Variants in ELP4 observed in about 807,000 individuals in gnomAD.
ELP4 encodes elongator acetyltransferase complex subunit 4.
ELP4 carries 51 observed loss-of-function variants against 48.9 expected under a neutral mutation model. The ratio of observed to expected loss-of-function variants is 1.04; its 90% CI spans 0.83 to 1.32. ELP4 has a LOEUF of 1.32. Ranked by LOEUF, ELP4 falls within the 40% of genes most tolerant of loss-of-function variation. ELP4 has a pLI of 0.00. For synonymous variants in ELP4, 210 were observed against 189.2 expected (o/e 1.11, Z -0.90); for missense variants, 519 against 514.6 (o/e 1.01, Z -0.08).
At chr11:31,569,275 G>A (rs932446113) in intron 3 of ELP4, among the ~76,000 whole-genome samples, 2 of 152,100 alleles carry the variant, frequency 1.3e-5, no homozygotes, top group African/African-American at 4.8e-5. Context: ...AAGAGCTTCT[G>A]TACCACAAGA....
chr11:31,662,450 G>C (rs978399116), intron 9 of ELP4: 5 of 394,634 alleles, frequency 1.3e-5, no homozygotes, highest in Admixed American at 8.8e-5. Flanking sequence ...GCTCCATGTT[G>C]TTGTTGTTGT....
At chr11:31,560,567 C>G (rs1302414749) in intron 3 of ELP4, among the ~76,000 whole-genome samples, 1 of 151,418 alleles carries the variant, frequency 6.6e-6, no homozygotes, top group Non-Finnish European at 1.5e-5. Context: ...AAGGGCATTA[C>G]TACACATGGT....
In ELP4 at chr11:31,787,902, AT is replaced by A. The variant is rs1292620331; in HGVS notation, c.*4385del. 5 of 221,928 alleles carry A rather than the reference AT, an allele frequency of 2.3e-5. No individual in the cohort carries two copies. Among genetic ancestry groups the A allele is most frequent in the African/African-American group, 8.9e-5 (4 of 44,818 alleles). 13.7% of individuals were successfully genotyped at this position (221,928 alleles called of 1,614,324 possible). ...CATTTCTGATCATTTGCTTTTGGGG[AT>A]TTTTTTAAAGCAGAGTATAATTCAG... On this transcript the variant is annotated 3_prime_UTR_variant, in exon 10 of 10. Transcript: ENST00000640961.
At chr11:31,732,572 C>T (rs1472934025) in intron 9 of ELP4, among the ~76,000 whole-genome samples, 1 of 151,904 alleles carries the variant, frequency 6.6e-6, no homozygotes, top group Non-Finnish European at 1.5e-5. Context: ...TTCAAAATTA[C>T]TTTAAATGTA....
chr11:31,619,099 G>A (rs1944559549), intron 5 of ELP4, among the ~76,000 whole-genome samples: 1 of 151,884 alleles, frequency 6.6e-6, no homozygotes, highest in Admixed American at 6.6e-5. Context: ...AGTAGTAGCT[G>A]GTAAATGAGA....
intron 9 of ELP4, among the ~76,000 whole-genome samples, chr11:31,767,001 TG>T (rs1460893413): frequency 4.6e-5 from 7 of 152,176 alleles, no homozygotes; most frequent in Non-Finnish European, 1.0e-4. Flanking sequence ...AATCATTTGA[TG>T]AAAAAAATCA....
intron 6 of ELP4, among the ~76,000 whole-genome samples, chr11:31,630,436 C>A (rs982069424): frequency 6.6e-6 from 1 of 151,654 alleles, no homozygotes; most frequent in African/African-American, 2.4e-5. Context: ...TCAAGCAATT[C>A]TCCTGCCTCA....
intron 9 of ELP4, among the ~76,000 whole-genome samples, chr11:31,733,956 A>G (rs1022622561): frequency 6.6e-6 from 1 of 152,220 alleles, no homozygotes; most frequent in Admixed American, 6.5e-5. Context: ...AGATAGATGC[A>G]AAAATCTTCA....
intron 9 of ELP4, among the ~76,000 whole-genome samples, chr11:31,742,689 C>T (rs1947482512): frequency 6.6e-6 from 1 of 152,110 alleles, no homozygotes; most frequent in Admixed American, 6.5e-5. Flanking sequence ...ACTTTACAAA[C>T]AAACAAATGC....
At chr11:31,605,259 C>T (rs1957852445) in intron 5 of ELP4, among the ~76,000 whole-genome samples, 1 of 151,944 alleles carries the variant, frequency 6.6e-6, no homozygotes. Context: ...CAGTGAAAAT[C>T]AATATCTTCA....
intron 9 of ELP4, among the ~76,000 whole-genome samples, chr11:31,756,527 C>A (rs1256482184): frequency 7.2e-5 from 11 of 152,170 alleles, no homozygotes; most frequent in Non-Finnish European, 1.3e-4. Context: ...AGTACCTTCT[C>A]CTCAAAGCCT....
At chr11:31,531,157 A>G (rs1956389917) in intron 2 of ELP4, among the ~76,000 whole-genome samples, 2 of 152,170 alleles carry the variant, frequency 1.3e-5, no homozygotes, top group Non-Finnish European at 2.9e-5. Context: ...CCTGCCTCAT[A>G]TGATTCTTTG....
chr11:31,684,624 G>C (rs1946124748), intron 9 of ELP4, among the ~76,000 whole-genome samples: 2 of 152,148 alleles, frequency 1.3e-5, no homozygotes, highest in African/African-American at 4.8e-5. Context: ...TCCAGAAACA[G>C]ACCCATACGT....
At chr11:31,559,103 G>T (rs972221687) in intron 3 of ELP4, among the ~76,000 whole-genome samples, 2 of 152,098 alleles carry the variant, frequency 1.3e-5, no homozygotes, top group African/African-American at 4.8e-5. Context: ...AAGGAAAAAG[G>T]CAGCACACTG....
chr11:31,615,738 T>C (rs1362604284), intron 5 of ELP4, among the ~76,000 whole-genome samples: 2 of 151,970 alleles, frequency 1.3e-5, no homozygotes, highest in African/African-American at 2.4e-5. Context: ...TCAATGTGAG[T>C]TAAAAGATTT....
chr11:31,733,982 A>G (rs551690794), intron 9 of ELP4, among the ~76,000 whole-genome samples: 95 of 152,342 alleles, frequency 6.2e-4, no homozygotes, highest in African/African-American at 2.3e-3. Context: ...AAACCTAGCA[A>G]ATCAAATTCA....
At chr11:31,545,848 G>C (rs1413523540) in intron 3 of ELP4, among the ~76,000 whole-genome samples, 2 of 152,076 alleles carry the variant, frequency 1.3e-5, no homozygotes, top group Non-Finnish European at 1.5e-5. Flanking sequence ...TTAAAGAAAA[G>C]AATATTCAAC....
chr11:31,747,016 T>G (rs1262980904), intron 9 of ELP4, among the ~76,000 whole-genome samples: 3 of 150,332 alleles, frequency 2.0e-5, no homozygotes, highest in African/African-American at 7.5e-5. Context: ...ATGCTATTCA[T>G]TTTAACCAGA....
chr11:31,584,539 T>G (rs1957442588), intron 3 of ELP4, among the ~76,000 whole-genome samples: 1 of 152,090 alleles, frequency 6.6e-6, no homozygotes, highest in African/African-American at 2.4e-5. Flanking sequence ...TTGTTGTTGT[T>G]TTGTTTTTGA....
Sources: allele counts gnomAD v4.1 joint callset (sites outside exome capture counted in the v4.1 genomes callset), GRCh38; gene constraint gnomAD v4.1.1; transcripts MANE v1.5; gene names NCBI Gene and HGNC (gene_info 2026-07-23, HGNC 2026-07-21).